Variants in FSTL4 observed in about 807,000 individuals in gnomAD.
FSTL4 encodes the protein follistatin-related protein 4.
Under a neutral mutation model 78.2 loss-of-function variants are expected in FSTL4, and 28 were observed. The ratio of observed to expected loss-of-function variants is 0.36; its 90% CI spans 0.27 to 0.49. The LOEUF (loss-of-function observed/expected upper bound fraction) is 0.49. Ranked by LOEUF, FSTL4 falls within the 20% of genes least tolerant of loss-of-function variation. FSTL4 has a pLI of 0.98. For synonymous variants in FSTL4, 422 were observed against 440.5 expected, an observed-to-expected ratio of 0.96 and a Z score of 0.53; for missense variants, 922 against 1,084.9, an observed-to-expected ratio of 0.85 and a Z score of 2.11.
In FSTL4 at chr5:133,289,673, A is replaced by G. The variant is rs182463998; in HGVS notation, c.727+22981T>C. Among the ~76,000 whole-genome samples, 158 of 152,334 alleles carry G rather than the reference A, an allele frequency of 1.0e-3. 3 individuals are homozygous for G. Among genetic ancestry groups the G allele is most frequent in the African/African-American group, 3.5e-3 (147 of 41,574 alleles). ...GTCTTCCAGCTTGCCCAACTCTGGG[A>G]CTAGTCCTGCAGCCTGTCCTGGCAC... is the stretch of plus-strand genomic sequence containing the variant. On this transcript the variant is annotated intron_variant, in intron 6 of 15. Transcript: ENST00000265342.
At chr5:133,752,125 G>A in the FSTL4 span, among the ~76,000 whole-genome samples, 233 of 152,348 alleles carry the variant, frequency 1.5e-3, no homozygotes, top group African/African-American at 5.4e-3. Flanking sequence ...CTAGACAGGC[G>A]AAGGGATTGG....
chr5:133,819,308 C>A, the FSTL4 span, among the ~76,000 whole-genome samples: 46 of 152,156 alleles, frequency 3.0e-4, no homozygotes, highest in African/African-American at 1.1e-3. Flanking sequence ...TGGGAGGAAG[C>A]CTTCCCTTCT....
At chr5:133,442,650 G>C (rs1311530333) in intron 3 of FSTL4, among the ~76,000 whole-genome samples, 1 of 152,110 alleles carries the variant, frequency 6.6e-6, no homozygotes, top group Admixed American at 6.5e-5. Context: ...TTGAGCCCTG[G>C]TAGAAGTGAG....
intron 3 of FSTL4, among the ~76,000 whole-genome samples, chr5:133,518,496 T>C (rs568906450): frequency 1.7e-3 from 254 of 152,226 alleles, no homozygotes; most frequent in South Asian, 5.6e-3. Flanking sequence ...AAAGGACAGG[T>C]GGGGAAGGGG....
At chr5:133,765,717 C>T in the FSTL4 span, among the ~76,000 whole-genome samples, 21 of 152,134 alleles carry the variant, frequency 1.4e-4, no homozygotes, top group Non-Finnish European at 2.9e-5. Flanking sequence ...AGACAGGCAC[C>T]GGCAAATGTG....
intron 6 of FSTL4, among the ~76,000 whole-genome samples, chr5:133,303,851 C>A (rs1011641000): frequency 1.3e-5 from 2 of 152,200 alleles, no homozygotes; most frequent in African/African-American, 4.8e-5. Context: ...CTCAGTACAC[C>A]TGGTTATCAC....
At chr5:133,468,538 T>A (rs1439161147) in intron 3 of FSTL4, among the ~76,000 whole-genome samples, 1 of 152,162 alleles carries the variant, frequency 6.6e-6, no homozygotes, top group Non-Finnish European at 1.5e-5. Flanking sequence ...TTACTAGACC[T>A]GCCCTCTAAG....
chr5:133,509,927 C>G (rs931739342), intron 3 of FSTL4, among the ~76,000 whole-genome samples: 10 of 152,232 alleles, frequency 6.6e-5, no homozygotes, highest in African/African-American at 2.2e-4. Context: ...CACGTGTTCA[C>G]TGACCACAGA....
intron 3 of FSTL4, among the ~76,000 whole-genome samples, chr5:133,560,005 G>C (rs1347969267): frequency 6.6e-6 from 1 of 152,192 alleles, no homozygotes; most frequent in East Asian, 1.9e-4. Context: ...TCAGCCCTGG[G>C]ACATGCCAGG....
chr5:133,798,984 G>GGAAGGGAGGGAGGGAT, the FSTL4 span, among the ~76,000 whole-genome samples: 1 of 87,326 alleles, frequency 1.1e-5, no homozygotes, highest in African/African-American at 5.5e-5. Context: ...GAGGGAGGGA[G>GGAAGGGAGGGAGGGAT]GGAGGAAGGG....
chr5:133,398,783 C>T (rs1756138375), intron 4 of FSTL4, among the ~76,000 whole-genome samples: 1 of 152,158 alleles, frequency 6.6e-6, no homozygotes, highest in South Asian at 2.1e-4. Context: ...CTGGGAAGTA[C>T]CAGAACTGAG....
the FSTL4 span, among the ~76,000 whole-genome samples, chr5:133,628,361 C>CTTTTTTTT: frequency 7.3e-6 from 1 of 137,782 alleles, no homozygotes; most frequent in African/African-American, 3.3e-5. Flanking sequence ...CTTTTCTTTT[C>CTTTTTTTT]TTTTCTTTTT....
At chr5:133,589,950 T>C (rs922283210) in intron 2 of FSTL4, among the ~76,000 whole-genome samples, 1 of 152,150 alleles carries the variant, frequency 6.6e-6, no homozygotes, top group South Asian at 2.1e-4. Flanking sequence ...TAATAATACC[T>C]CATAGACTCT....
At chr5:133,740,221 T>G in the FSTL4 span, among the ~76,000 whole-genome samples, 1 of 152,036 alleles carries the variant, frequency 6.6e-6, no homozygotes, top group Non-Finnish European at 1.5e-5. Flanking sequence ...GATACCCCCT[T>G]AGACAGGTGG....
intron 6 of FSTL4, among the ~76,000 whole-genome samples, chr5:133,306,355 G>T (rs919596239): frequency 6.6e-6 from 1 of 152,192 alleles, no homozygotes; most frequent in Admixed American, 6.6e-5. Flanking sequence ...AGGTAATTAC[G>T]CAGCCTGCCA....
At chr5:133,248,703 G>C (rs1341679916) in intron 7 of FSTL4, 1 of 152,196 alleles carries the variant, frequency 6.6e-6, no homozygotes. Context: ...GAGGCTGCCT[G>C]GTTCCTCAGG....
chr5:133,642,998 A>C, the FSTL4 span, among the ~76,000 whole-genome samples: 1 of 152,240 alleles, frequency 6.6e-6, no homozygotes, highest in Non-Finnish European at 1.5e-5. Flanking sequence ...CTGAGACTGC[A>C]GTAACCTTAG....
chr5:133,817,174 G>C, the FSTL4 span, among the ~76,000 whole-genome samples: 2 of 152,192 alleles, frequency 1.3e-5, no homozygotes, highest in African/African-American at 4.8e-5. Context: ...AAATCCTCGC[G>C]ACAGCCCTGC....
chr5:133,714,680 T>C, the FSTL4 span, among the ~76,000 whole-genome samples: 1 of 152,196 alleles, frequency 6.6e-6, no homozygotes, highest in Non-Finnish European at 1.5e-5. Flanking sequence ...GTCAGATCCT[T>C]TACTCTCCCA....
Sources: allele counts gnomAD v4.1 joint callset (sites outside exome capture counted in the v4.1 genomes callset), GRCh38; gene constraint gnomAD v4.1.1; transcripts MANE v1.5; gene names NCBI Gene and HGNC (gene_info 2026-07-23, HGNC 2026-07-21).